CNBD1: variants seen among roughly 807,000 people sequenced by gnomAD.
CNBD1 encodes cyclic nucleotide-binding domain-containing protein 1.
Under a neutral mutation model 54.4 loss-of-function variants are expected in CNBD1, and 71 were observed. That is an observed-to-expected ratio of 1.30 (90% CI 1.08 to 1.59). The LOEUF (loss-of-function observed/expected upper bound fraction) is 1.59, where lower values mean the gene tolerates loss of function less well. CNBD1 is among the 40% of genes most tolerant of loss of function. The probability of loss-of-function intolerance (pLI) is 0.00; values close to 1 mark genes in which losing one functional copy is unlikely to be tolerated. For synonymous variants in CNBD1, 182 were observed against 170.7 expected, an observed-to-expected ratio of 1.07 and a Z score of -0.51; for missense variants, 659 against 518.0, an observed-to-expected ratio of 1.27 and a Z score of -2.64.
chr8:87,195,962 G>T (rs542552655), intron 4 of CNBD1, among the ~76,000 whole-genome samples: 13 of 151,986 alleles, frequency 8.6e-5, no homozygotes, highest in South Asian at 6.2e-4. Context: ...TTTTTGGCAC[G>T]CATCCTACCC....
chr8:87,420,335 G>A (rs2130992240), intron 2 of CNBD1, among the ~76,000 whole-genome samples: 1 of 152,012 alleles, frequency 6.6e-6, no homozygotes, highest in East Asian at 1.9e-4. Flanking sequence ...AGATCGATTT[G>A]ACATTACTTT....
intron 6 of CNBD1, among the ~76,000 whole-genome samples, chr8:87,251,595 G>GA (rs34264085): frequency 0.39 from 52,541 of 135,206 alleles, 10,627 homozygotes; most frequent in Non-Finnish European, 0.48. Context: ...TCTCAAAAAA[G>GA]AAAAAAAAAA....
At chr8:87,198,156 A>G (rs772129859) in intron 4 of CNBD1, among the ~76,000 whole-genome samples, 10 of 152,250 alleles carry the variant, frequency 6.6e-5, no homozygotes, top group African/African-American at 1.2e-4. Flanking sequence ...GAACATTTTT[A>G]TATTGACTTG....
intron 4 of CNBD1, among the ~76,000 whole-genome samples, chr8:86,962,154 A>C (rs2130472055): frequency 6.6e-6 from 1 of 152,326 alleles, no homozygotes; most frequent in South Asian, 2.1e-4. Flanking sequence ...TTTCCCAAGA[A>C]GTCCCAGGAC....
intron 3 of CNBD1, among the ~76,000 whole-genome samples, chr8:86,907,932 C>G (rs770326780): frequency 2.4e-4 from 36 of 152,280 alleles, no homozygotes; most frequent in Middle Eastern, 3.4e-3. Context: ...TACACTATTA[C>G]AGTTATTGAT....
At chr8:87,232,913 G>C (rs1317358139) in intron 5 of CNBD1, among the ~76,000 whole-genome samples, 3 of 152,076 alleles carry the variant, frequency 2.0e-5, no homozygotes, top group African/African-American at 7.2e-5. Context: ...TATGTAATAT[G>C]AGGTTTTTAA....
chr8:87,131,351 C>T (rs1194300996), intron 4 of CNBD1, among the ~76,000 whole-genome samples: 4 of 152,014 alleles, frequency 2.6e-5, no homozygotes, highest in African/African-American at 9.7e-5. Flanking sequence ...TACTTTGGAA[C>T]ATTTAAAATG....
chr8:87,278,557 C>T (rs544280611), intron 6 of CNBD1, among the ~76,000 whole-genome samples: 11 of 151,582 alleles, frequency 7.3e-5, no homozygotes, highest in African/African-American at 2.4e-4. Context: ...CTTTTATAAC[C>T]AGTAAAACCA....
At chr8:87,231,951 C>T (rs139567234) in intron 5 of CNBD1, among the ~76,000 whole-genome samples, 1 of 152,256 alleles carries the variant, frequency 6.6e-6, no homozygotes, top group African/African-American at 2.4e-5. Context: ...GGCAATGGCT[C>T]TCTATTTCTT....
At chr8:87,377,107 C>T (rs1272989587) in intron 10 of CNBD1, among the ~76,000 whole-genome samples, 1 of 140,412 alleles carries the variant, frequency 7.1e-6, no homozygotes, top group East Asian at 2.1e-4. Context: ...TTATTTTTCG[C>T]AGATAATTTT....
chr8:87,026,719 T>C (rs1809654072), intron 4 of CNBD1, among the ~76,000 whole-genome samples: 1 of 152,226 alleles, frequency 6.6e-6, no homozygotes, highest in African/African-American at 2.4e-5. Flanking sequence ...CTCTTTCCCG[T>C]ACTTACTAGT....
chr8:86,935,322 C>T (rs896700310), intron 3 of CNBD1, among the ~76,000 whole-genome samples: 20 of 152,128 alleles, frequency 1.3e-4, no homozygotes, highest in Non-Finnish European at 2.1e-4. Context: ...AGGCATGAGC[C>T]GACATGCCTG....
chr8:87,376,645 A>G (rs1458466354), intron 10 of CNBD1, among the ~76,000 whole-genome samples: 3 of 151,132 alleles, frequency 2.0e-5, no homozygotes, highest in African/African-American at 7.4e-5. Context: ...AATCTTTAAT[A>G]GCTAAAGCAG....
At chr8:87,251,595 G>GAA (rs34264085) in intron 6 of CNBD1, among the ~76,000 whole-genome samples, 42,080 of 135,116 alleles carry the variant, frequency 0.31, 7,076 homozygotes, top group African/African-American at 0.48. Context: ...TCTCAAAAAA[G>GAA]AAAAAAAAAA....
intron 1 of CNBD1, among the ~76,000 whole-genome samples, chr8:86,868,042 C>A (rs2131760172): frequency 6.6e-6 from 1 of 152,270 alleles, no homozygotes. Flanking sequence ...TGTCTTTTTG[C>A]TAACTGTAGC....
intron 4 of CNBD1, among the ~76,000 whole-genome samples, chr8:87,200,517 G>A (rs1019747563): frequency 3.3e-5 from 5 of 151,826 alleles, no homozygotes; most frequent in African/African-American, 1.2e-4. Flanking sequence ...ATTTACCTAG[G>A]CTGACTAAGA....
intron 10 of CNBD1, 39 bp downstream of exon 10, chr8:87,353,825 AT>A: frequency 6.7e-7 from 1 of 1,492,210 alleles, no homozygotes; most frequent in East Asian, 2.3e-5. Context: ...ATACCATTTT[AT>A]TGGATGAGTT....
chr8:86,976,959 T>G (rs1852028), intron 4 of CNBD1, among the ~76,000 whole-genome samples: 75,444 of 151,790 alleles, frequency 0.5, 20,362 homozygotes, highest in East Asian at 0.74. Context: ...AAGATCATTC[T>G]ATCGGCAAAC....
chr8:87,365,371 A>T (rs1414977118), intron 10 of CNBD1, among the ~76,000 whole-genome samples: 1 of 151,652 alleles, frequency 6.6e-6, no homozygotes, highest in East Asian at 1.9e-4. Flanking sequence ...ACATTTGTTT[A>T]AGTTACTTAT....
Sources: gnomAD v4.1 joint callset for allele counts (sites outside exome capture counted in the v4.1 genomes callset) on GRCh38, gnomAD v4.1.1 for gene constraint, MANE v1.5 for transcripts, NCBI Gene and HGNC (gene_info 2026-07-23, HGNC 2026-07-21) for gene names.